SLC2A1: variants seen among roughly 807,000 people sequenced by gnomAD.
SLC2A1 encodes the protein solute carrier family 2 member 1.
A neutral mutation model predicts 46.6 loss-of-function variants in SLC2A1; 4 were observed. That is an observed-to-expected ratio of 0.09 (90% CI 0.04 to 0.20). The LOEUF is 0.20. Among genes scored for constraint, SLC2A1 ranks in the 10% least tolerant of loss-of-function variants. The probability of loss-of-function intolerance (pLI) is 1.00; values close to 1 mark genes in which losing one functional copy is unlikely to be tolerated. For synonymous variants in SLC2A1, 253 were observed against 270.0 expected, an observed-to-expected ratio of 0.94 and a Z score of 0.62; for missense variants, 352 against 667.0, an observed-to-expected ratio of 0.53 and a Z score of 5.20.
intron 1 of SLC2A1, among the ~76,000 whole-genome samples, chr1:42,945,612 G>A (rs931721014): frequency 6.6e-6 from 1 of 151,854 alleles, no homozygotes; most frequent in South Asian, 2.1e-4. Context: ...GCTGGGCATG[G>A]TGGTGCGTGC....
intron 1 of SLC2A1, among the ~76,000 whole-genome samples, chr1:42,945,339 C>T (rs1345285636): frequency 6.6e-6 from 1 of 152,022 alleles, no homozygotes; most frequent in African/African-American, 2.4e-5. Flanking sequence ...CATGGCACTC[C>T]AGCCTGGGTG....
intron 1 of SLC2A1, among the ~76,000 whole-genome samples, chr1:42,948,834 G>A (rs143542707): frequency 0.033 from 5,002 of 152,140 alleles, 304 homozygotes; most frequent in African/African-American, 0.11. Flanking sequence ...GGGAGGCAAG[G>A]CGGGCAGATC....
chr1:42,940,118 AAAAT>A (rs1396826414), intron 2 of SLC2A1, among the ~76,000 whole-genome samples: 1 of 152,056 alleles, frequency 6.6e-6, no homozygotes, highest in East Asian at 1.9e-4. Context: ...AACCTTCATT[AAAAT>A]AAATAAATAA....
In SLC2A1 at chr1:42,944,021, C is replaced by T. The variant is rs72958821; in HGVS notation, c.19-700G>A. 5.3e-3 allele frequency among the ~76,000 whole-genome samples: 813 copies of T among 152,286 alleles called. 10 individuals are homozygous for T. The highest frequency in any genetic ancestry group is 0.019 in the African/African-American group (774 of 41,554). Reference sequence around the variant, plus strand: ...GAGCCTGCAGCAGAGCTCAGGGCTCCGGACTCCTTACCCAGTGCTCCTCAC... The same window carrying T: ...GAGCCTGCAGCAGAGCTCAGGGCTCTGGACTCCTTACCCAGTGCTCCTCAC... On this transcript the variant is annotated intron_variant, in intron 1 of 9. Coordinates refer to ENST00000426263, the MANE Select transcript of SLC2A1 (RefSeq NM_006516.4).
chr1:42,949,673 TAGC>T (rs200497059), intron 1 of SLC2A1, among the ~76,000 whole-genome samples: 3 of 152,116 alleles, frequency 2.0e-5, no homozygotes, highest in Non-Finnish European at 2.9e-5. Flanking sequence ...CTGGTGCATT[TAGC>T]AGCAGCAGCA....
At chr1:42,943,870 C>T (rs1643623079) in intron 1 of SLC2A1, among the ~76,000 whole-genome samples, 1 of 152,198 alleles carries the variant, frequency 6.6e-6, no homozygotes, top group Admixed American at 6.5e-5. Flanking sequence ...ATTTGCTTGT[C>T]AGCAAAATGG....
chr1:42,929,883 C>T lies in SLC2A1; in HGVS notation c.669G>A (p.Arg223=), dbSNP rs1004623203. The T allele has an allele frequency of 1.9e-6, 3 of 1,614,084 alleles. No homozygotes were observed. The change falls in exon 5 of 10, where the codon CGG becomes CGA. Residue 223 remains arginine, a synonymous_variant. Coordinates refer to ENST00000426263, the MANE Select transcript of SLC2A1 (RefSeq NM_006516.4). This position sits in a 1 kb window ranked among gnomAD's most constrained non-coding sequence, Gnocchi z 6.0. ...FLLINRNEEN[R]AKSVLKKLRG... ...GGGCCATGCCCGTACCACTCTTGGC[C>T]CGGTTCTCCTCGTTGCGGTTGATGA...
chr1:42,933,151 T>C lies in SLC2A1; in HGVS notation c.115-1945A>G, dbSNP rs116529604. 6.7e-3 allele frequency among the ~76,000 whole-genome samples: 1,026 copies of C among 152,238 alleles called. 19 individuals carry two copies. Among genetic ancestry groups the C allele is most frequent in the African/African-American group, 0.024 (993 of 41,514 alleles). On this transcript the variant is annotated intron_variant, in intron 2 of 9. Coordinates refer to ENST00000426263, the MANE Select transcript of SLC2A1 (RefSeq NM_006516.4). ...GGAATCAGTGAAACAGTGCTTGGTG[T>C]CATCATCCCTAAAATCACCCCACTG...
chr1:42,949,158 GA>G (rs752914972), intron 1 of SLC2A1, among the ~76,000 whole-genome samples: 33 of 152,142 alleles, frequency 2.2e-4, no homozygotes, highest in Non-Finnish European at 2.6e-4. Flanking sequence ...CAGGAGAATA[GA>G]ATCACTTTAA....
intron 2 of SLC2A1, among the ~76,000 whole-genome samples, chr1:42,935,331 C>T (rs1643531555): frequency 6.6e-6 from 1 of 152,170 alleles, no homozygotes; most frequent in South Asian, 2.1e-4. Flanking sequence ...GAGGGGGAGG[C>T]CTGCCCAAGC....
At chr1:42,943,401 C>T in intron 1 of SLC2A1, 80 bp from the exon 2 acceptor site, 1 of 1,038,400 alleles carries the variant, frequency 9.6e-7, no homozygotes, top group South Asian at 1.3e-5. Context: ...TGGCAAGTTT[C>T]TGTGTTCAGA....
chr1:42,948,076 G>C (rs923257645), intron 1 of SLC2A1, among the ~76,000 whole-genome samples: 2 of 152,038 alleles, frequency 1.3e-5, no homozygotes, highest in Non-Finnish European at 2.9e-5. Context: ...CTGGGCTCAG[G>C]GTCCAGCACA....
In SLC2A1 at chr1:42,958,484, G is replaced by T; in HGVS notation, c.18+150C>A. 4.6e-6 allele frequency: 2 copies of T among 432,544 alleles called. 1 individual carries two copies. The allele number at this position is 432,544 out of a possible 1,614,324, so 26.8% of individuals were successfully genotyped here. ...GCGGCCCGGCGGGGCGCTGCGCTCGGGACCCGCACCGAGCCAGGCTCGGAG... is the reference window on the plus strand; with the variant it reads ...GCGGCCCGGCGGGGCGCTGCGCTCGTGACCCGCACCGAGCCAGGCTCGGAG... On this transcript the variant is annotated intron_variant, in intron 1 of 9. Transcript: ENST00000426263.
intron 1 of SLC2A1, among the ~76,000 whole-genome samples, chr1:42,958,185 G>A (rs1434777099): frequency 6.6e-6 from 1 of 151,838 alleles, no homozygotes; most frequent in Non-Finnish European, 1.5e-5. Context: ...TCCTCCGCGC[G>A]CCGGGGCCGG....
At chr1:42,955,791 C>T (rs1643766049) in intron 1 of SLC2A1, among the ~76,000 whole-genome samples, 1 of 152,240 alleles carries the variant, frequency 6.6e-6, no homozygotes, top group Non-Finnish European at 1.5e-5. Flanking sequence ...CTCACCCTTG[C>T]GTGCTGCCCA....
chr1:42,928,977 G>A lies in SLC2A1; in HGVS notation c.1029C>T (p.Gly343=), dbSNP rs773112021. ...TCATGAGTATGGCACAACCCGCCATGCCAGCGAGGCCTATGAGGTGCAGGG... is the reference window on the plus strand; with the variant it reads ...TCATGAGTATGGCACAACCCGCCATACCAGCGAGGCCTATGAGGTGCAGGG... ...RRTLHLIGLA[G]MAGCAILMTI... Residue 343 remains glycine, a synonymous_variant, in exon 8 of 10, where the codon GGC becomes GGT. Transcript: ENST00000426263. The A allele has an allele frequency of 6.8e-6, 11 of 1,613,856 alleles. No individual in the cohort carries two copies. In the African/African-American group the frequency reaches 1.3e-4, roughly 20 times the overall value.
At chr1:42,941,291 T>A (rs1643595658) in intron 2 of SLC2A1, among the ~76,000 whole-genome samples, 1 of 152,204 alleles carries the variant, frequency 6.6e-6, no homozygotes, top group African/African-American at 2.4e-5. Flanking sequence ...CCGCCCCTTC[T>A]GACTGTGCCG....
chr1:42,951,870 GC>G, intron 1 of SLC2A1: 1 of 401,186 alleles, frequency 2.5e-6, no homozygotes, highest in Non-Finnish European at 4.4e-6. Context: ...ACTTTATATA[GC>G]TGGGAGATGG....
intron 1 of SLC2A1, among the ~76,000 whole-genome samples, chr1:42,944,416 G>A (rs1200591302): frequency 6.6e-6 from 1 of 152,176 alleles, no homozygotes; most frequent in African/African-American, 2.4e-5. Flanking sequence ...GCTGCGGGAG[G>A]CATGCCAAAG....
Sources: allele counts gnomAD v4.1 joint callset (sites outside exome capture counted in the v4.1 genomes callset), GRCh38; gene constraint gnomAD v4.1.1; non-coding constraint Gnocchi (gnomAD v3.1); transcripts MANE v1.5; gene names NCBI Gene and HGNC (gene_info 2026-07-23, HGNC 2026-07-21).